Variants in MCM9 observed in about 807,000 individuals in gnomAD.
MCM9 encodes the protein DNA helicase MCM9.
A neutral mutation model predicts 72.8 loss-of-function variants in MCM9; 55 were observed. The ratio of observed to expected loss-of-function variants is 0.76; its 90% CI spans 0.61 to 0.95. MCM9 has a LOEUF of 0.95. Among genes scored for constraint, MCM9 ranks in the 40% least tolerant of loss-of-function variants. The pLI is 0.00. For missense variants in MCM9, 1,279 were observed against 1,377.0 expected, an observed-to-expected ratio of 0.93 and a Z score of 1.13; for synonymous variants, 480 against 503.4, an observed-to-expected ratio of 0.95 and a Z score of 0.62.
rs147070848 is a variant in MCM9 at position 118,822,142 on chromosome 6, A to C, written c.1961+4005T>G. Among the ~76,000 whole-genome samples, 1,161 of 152,260 alleles carry C rather than the reference A, an allele frequency of 7.6e-3. 8 individuals carry two copies. The highest frequency in any genetic ancestry group is 0.029 in the South Asian group (139 of 4,828). On this transcript the variant is annotated intron_variant, in intron 13 of 13. Transcript: ENST00000619706. ...CTACTTCTGTCAATTCGTCAATCTC[A>C]TTCTCTGTCCAGTTTTGTGCCCTTG...
At chr6:118,834,993 C>T (rs973121848) in intron 9 of MCM9, among the ~76,000 whole-genome samples, 5 of 152,124 alleles carry the variant, frequency 3.3e-5, no homozygotes, top group Non-Finnish European at 5.9e-5. Flanking sequence ...TTAGGTCTTA[C>T]GTTTAAGCCT....
At chr6:118,849,923 A>G (rs533967327) in intron 9 of MCM9, among the ~76,000 whole-genome samples, 6 of 151,918 alleles carry the variant, frequency 3.9e-5, no homozygotes, top group African/African-American at 1.5e-4. Context: ...AAACCAATGA[A>G]TATCTATCAG....
chr6:118,833,768 T>C (rs1328328571), intron 9 of MCM9, among the ~76,000 whole-genome samples: 1 of 152,136 alleles, frequency 6.6e-6, no homozygotes, highest in Non-Finnish European at 1.5e-5. Context: ...TGGTGGTTGC[T>C]AGGGGCTGGG....
intron 3 of MCM9, among the ~76,000 whole-genome samples, chr6:118,929,009 C>T (rs376291725): frequency 5.3e-4 from 81 of 151,520 alleles, no homozygotes; most frequent in African/African-American, 1.8e-3. Context: ...CACCTGAGGC[C>T]AGGAGTTCAA....
In MCM9 at chr6:118,814,238, T is replaced by G. The variant is rs1773273010; in HGVS notation, c.*586A>C. On this transcript the variant is annotated 3_prime_UTR_variant, in exon 14 of 14. Coordinates refer to ENST00000619706, the MANE Select transcript of MCM9 (RefSeq NM_017696.3). ...GATCTCTAAGAACATCATGGAATTG[T>G]AAGGATACCTCTCAAAGAAAGAAAA... 1 of 152,178 alleles carries G rather than the reference T, an allele frequency of 6.6e-6. No homozygotes were observed. The highest frequency in any genetic ancestry group is 2.4e-5 in the African/African-American group (1 of 41,426). 9.4% of individuals were successfully genotyped at this position (152,178 alleles called of 1,614,324 possible).
intron 8 of MCM9, among the ~76,000 whole-genome samples, chr6:118,861,884 T>TCTGC (rs1181990360): frequency 3.9e-5 from 6 of 152,158 alleles, no homozygotes; most frequent in Admixed American, 2.0e-4. Flanking sequence ...TAGGAATGAA[T>TCTGC]CTGCCTGCTT....
chr6:118,818,552 C>CA (rs761723479), intron 13 of MCM9, among the ~76,000 whole-genome samples: 4 of 152,202 alleles, frequency 2.6e-5, no homozygotes, highest in Non-Finnish European at 5.9e-5. Context: ...AGTTTGAAGT[C>CA]AGGTAGCGTG....
chr6:118,844,283 CA>C (rs1775705677), intron 9 of MCM9, among the ~76,000 whole-genome samples: 1 of 151,570 alleles, frequency 6.6e-6, no homozygotes, highest in Non-Finnish European at 1.5e-5. Flanking sequence ...AACTGGTAGC[CA>C]AAAAAGTTGG....
intron 8 of MCM9, among the ~76,000 whole-genome samples, chr6:118,887,688 T>C (rs1778683249): frequency 6.6e-6 from 1 of 151,910 alleles, no homozygotes; most frequent in Admixed American, 6.6e-5. Context: ...AATTAAAAGA[T>C]AATCCAAACA....
At position 118,847,422 on chromosome 6, in the gene MCM9, CAA is replaced by C. The variant is rs368957444; in HGVS notation, c.1325+8947_1325+8948del. ...CATGCTCATGTGCCCCATGAATCTT[CAA>C]AAAAAAAAAAAAAAAAGAAATTAAC... On this transcript the variant is annotated intron_variant, in intron 9 of 13. Coordinates refer to ENST00000619706, the MANE Select transcript of MCM9 (RefSeq NM_017696.3). Among the ~76,000 whole-genome samples, 550 of 113,844 alleles carry C rather than the reference CAA, an allele frequency of 4.8e-3. 12 individuals are homozygous for C. Among genetic ancestry groups the C allele is most frequent in the African/African-American group, 0.018 (493 of 27,980 alleles). 74.7% of individuals were successfully genotyped at this position (113,844 alleles called of 152,430 possible).
intron 9 of MCM9, among the ~76,000 whole-genome samples, chr6:118,845,664 T>C (rs1373463534): frequency 6.6e-6 from 1 of 151,900 alleles, no homozygotes; most frequent in East Asian, 1.9e-4. Flanking sequence ...CCATATTTTA[T>C]GTACATAGTC....
At chr6:118,877,402 G>C (rs1414421790) in intron 8 of MCM9, among the ~76,000 whole-genome samples, 1 of 152,124 alleles carries the variant, frequency 6.6e-6, no homozygotes, top group Non-Finnish European at 1.5e-5. Context: ...ACTTAAAATA[G>C]GTATTTCATG....
In MCM9 at chr6:118,814,064, C is replaced by T. The variant is rs546307976; in HGVS notation, c.*760G>A. 5 of 152,182 alleles carry T rather than the reference C, an allele frequency of 3.3e-5. No individual in the cohort carries two copies. The South Asian group carries it at 1.0e-3, about 32-fold the overall frequency. 9.4% of individuals were successfully genotyped at this position (152,182 alleles called of 1,614,324 possible). A position where few individuals can be genotyped will look rare whatever the true frequency, so the allele number is the denominator to read the frequency against. ...AGTGAGTCACTGTGCCTGGCTCATA[C>T]TCTCTCTTCTTCTAATCACAGTATT... On this transcript the variant is annotated 3_prime_UTR_variant, in exon 14 of 14. Transcript: ENST00000619706.
At chr6:118,888,313 C>T (rs1254406844) in intron 8 of MCM9, among the ~76,000 whole-genome samples, 4 of 152,052 alleles carry the variant, frequency 2.6e-5, no homozygotes, top group East Asian at 3.9e-4. Context: ...CGTAAAACCC[C>T]GTCTCTACTA....
rs1269260979 is a variant in MCM9, at chr6:118,814,308, T to C, written c.*516A>G. The C allele has an allele frequency of 6.8e-6, 1 of 147,600 alleles. No individual in the cohort carries two copies. The highest frequency in any genetic ancestry group is 1.5e-5 in the Non-Finnish European group (1 of 67,106). The allele number at this position is 147,600 out of a possible 1,614,324, so 9.1% of individuals were successfully genotyped here. ...TGATCCACACAAATCAATACAAAAA[T>C]AATACTAGAAAAATAGTCTGATTTT... is the stretch of plus-strand genomic sequence containing the variant. On this transcript the variant is annotated 3_prime_UTR_variant, in exon 14 of 14. Coordinates refer to ENST00000619706, the MANE Select transcript of MCM9 (RefSeq NM_017696.3).
intron 1 of MCM9, among the ~76,000 whole-genome samples, chr6:118,934,158 G>A (rs907194841): frequency 2.6e-5 from 4 of 152,118 alleles, no homozygotes; most frequent in Non-Finnish European, 5.9e-5. Context: ...AGTTAGGCTA[G>A]CATTTCTATG....
chr6:118,813,528 A>G lies in MCM9; in HGVS notation c.*1296T>C, dbSNP rs1773238654. Reference sequence around the variant, plus strand: ...TGCTTAAGAAAAATTGGATTTTCTAAATTTGTTTTCAATGCGTGAATTGAA... The same window carrying G: ...TGCTTAAGAAAAATTGGATTTTCTAGATTTGTTTTCAATGCGTGAATTGAA... On this transcript the variant is annotated 3_prime_UTR_variant, in exon 14 of 14. Transcript: ENST00000619706. 1 of 152,204 alleles carries G rather than the reference A, an allele frequency of 6.6e-6. No homozygotes were observed. The highest frequency in any genetic ancestry group is 2.1e-4 in the South Asian group (1 of 4,828). 9.4% of individuals were successfully genotyped at this position (152,204 alleles called of 1,614,324 possible). A position where few individuals can be genotyped will look rare whatever the true frequency, so the allele number is the denominator to read the frequency against.
intron 8 of MCM9, among the ~76,000 whole-genome samples, chr6:118,904,901 G>A (rs557364918): frequency 2.6e-4 from 40 of 152,302 alleles, no homozygotes; most frequent in South Asian, 8.3e-4. Context: ...GCAGTAGTGC[G>A]ATCTCAGCTC....
At chr6:118,916,861 TAATC>T (rs1236863915) in intron 6 of MCM9, among the ~76,000 whole-genome samples, 9 of 152,206 alleles carry the variant, frequency 5.9e-5, no homozygotes, top group African/African-American at 2.2e-4. Flanking sequence ...AAGAATAAAG[TAATC>T]AATATCTCTT....
Sources: allele counts gnomAD v4.1 joint callset (sites outside exome capture counted in the v4.1 genomes callset), GRCh38; gene constraint gnomAD v4.1.1; transcripts MANE v1.5; gene names NCBI Gene and HGNC (gene_info 2026-07-23, HGNC 2026-07-21).